C1GALT1: variants seen among roughly 807,000 people sequenced by gnomAD.
C1GALT1 encodes glycoprotein-N-acetylgalactosamine 3-beta-galactosyltransferase 1.
In C1GALT1, 11 loss-of-function variants were observed where a neutral mutation model predicts 31.0. The observed-to-expected ratio is 0.36, with a 90% CI of 0.22 to 0.59. The LOEUF (loss-of-function observed/expected upper bound fraction) is 0.59. Among genes scored for constraint, C1GALT1 ranks in the 20% least tolerant of loss-of-function variants. The pLI is 0.79. For missense variants in C1GALT1, 424 were observed against 425.2 expected (o/e 1.00, Z 0.03); for synonymous variants, 175 against 143.6 (o/e 1.22, Z -1.56).
At position 7,243,760 on chromosome 7, in the gene C1GALT1, C is replaced by T. The variant is rs762085810; in HGVS notation, c.*33C>T. 6.1e-6 allele frequency: 9 copies of T among 1,468,306 alleles called. 1 individual carries two copies. The South Asian group carries it at 1.0e-4, about 17-fold the overall frequency. The allele number at this position is 1,468,306 out of a possible 1,614,324, so 91.0% of individuals were successfully genotyped here. ...TCATGAATGAACAAAGGTAATATGT[C>T]TAGCACTGCACTGAAAAAGGACTTC... On this transcript the variant is annotated 3_prime_UTR_variant, in exon 4 of 4. Transcript: ENST00000436587.
chr7:7,237,691 G>GTACTTGTAGAAATTCTTAATAGTGGA (rs1783429849), intron 2 of C1GALT1, among the ~76,000 whole-genome samples: 1 of 152,106 alleles, frequency 6.6e-6, no homozygotes, highest in South Asian at 2.1e-4. Context: ...CCACCTCAGG[G>GTACTTGTAGAAATTCTTAATAGTGGA]TACTTGTAGA....
chr7:7,208,527 T>TTA (rs1562574683), intron 1 of C1GALT1, among the ~76,000 whole-genome samples: 1 of 151,998 alleles, frequency 6.6e-6, no homozygotes, highest in Non-Finnish European at 1.5e-5. Flanking sequence ...CAGTCCTTGA[T>TTA]GTTTGGCTCC....
At chr7:7,222,545 A>AT (rs1373015281) in intron 1 of C1GALT1, among the ~76,000 whole-genome samples, 2 of 151,878 alleles carry the variant, frequency 1.3e-5, no homozygotes, top group African/African-American at 4.8e-5. Flanking sequence ...TTATTTTTTC[A>AT]TTTTTTCTGT....
intron 1 of C1GALT1, among the ~76,000 whole-genome samples, chr7:7,222,727 G>T (rs746549910): frequency 6.6e-6 from 1 of 152,156 alleles, no homozygotes. Flanking sequence ...TAGTAATGGC[G>T]TTATAGTTTT....
chr7:7,190,100 G>T (rs1780994244), intron 1 of C1GALT1, among the ~76,000 whole-genome samples: 1 of 152,174 alleles, frequency 6.6e-6, no homozygotes, highest in African/African-American at 2.4e-5. Flanking sequence ...TTAGCTTGCT[G>T]CAGTGAAGGA....
At position 7,245,814 on chromosome 7, in the gene C1GALT1, G is replaced by T. The variant is rs536635959; in HGVS notation, c.*2087G>T. The T allele has an allele frequency of 1.3e-5, 2 of 152,192 alleles. No homozygotes were observed. The highest frequency in any genetic ancestry group is 4.8e-5 in the African/African-American group (2 of 41,440). The allele number at this position is 152,192 out of a possible 1,614,324, so 9.4% of individuals were successfully genotyped here. On this transcript the variant is annotated 3_prime_UTR_variant, in exon 4 of 4. Transcript: ENST00000436587. ...TGATGAATCCTGGGCTCTAGAGTCA[G>T]ACTTGCTTGGGTTTAAATTCTTGCT...
intron 3 of C1GALT1, among the ~76,000 whole-genome samples, chr7:7,242,374 T>A (rs917669572): frequency 6.6e-6 from 1 of 152,026 alleles, no homozygotes; most frequent in African/African-American, 2.4e-5. Flanking sequence ...TGTCTAAGAA[T>A]CTACATATCC....
chr7:7,233,310 C>G (rs1783176845), intron 1 of C1GALT1, among the ~76,000 whole-genome samples: 1 of 152,050 alleles, frequency 6.6e-6, no homozygotes, highest in Admixed American at 6.5e-5. Context: ...TTTGCCCAGG[C>G]TGGAGTTGAG....
intron 2 of C1GALT1, among the ~76,000 whole-genome samples, chr7:7,175,008 A>G (rs1780490690): frequency 6.6e-6 from 1 of 152,036 alleles, no homozygotes; most frequent in Non-Finnish European, 1.5e-5. Flanking sequence ...AATGAGCCAT[A>G]CTTTCTTGTT....
chr7:7,215,980 A>C (rs1268058118), intron 1 of C1GALT1, among the ~76,000 whole-genome samples: 1 of 151,862 alleles, frequency 6.6e-6, no homozygotes, highest in African/African-American at 2.4e-5. Context: ...CCTGAAAGTT[A>C]CTTTTTTTTT....
intron 1 of C1GALT1, among the ~76,000 whole-genome samples, chr7:7,227,449 G>A (rs925762069): frequency 1.1e-4 from 16 of 152,254 alleles, no homozygotes; most frequent in Admixed American, 1.3e-4. Context: ...GGCCGGGCGC[G>A]GTGGCTCACG....
At chr7:7,185,955 C>A (rs1237843756) in intron 1 of C1GALT1, among the ~76,000 whole-genome samples, 1 of 152,148 alleles carries the variant, frequency 6.6e-6, no homozygotes, top group Non-Finnish European at 1.5e-5. Flanking sequence ...TCTGTTGCCT[C>A]TAGCAGAATA....
chr7:7,196,334 A>G (rs1781286565), intron 1 of C1GALT1, among the ~76,000 whole-genome samples: 1 of 151,086 alleles, frequency 6.6e-6, no homozygotes, highest in African/African-American at 2.4e-5. Context: ...TGTCCTTGCG[A>G]TGGTTTGCTC....
upstream of C1GALT1, among the ~76,000 whole-genome samples, chr7:7,180,607 A>T (rs748535092): frequency 5.3e-5 from 8 of 152,284 alleles, no homozygotes; most frequent in Non-Finnish European, 1.2e-4. Flanking sequence ...GCCTAGAAGA[A>T]TGTAACACAA....
intron 1 of C1GALT1, among the ~76,000 whole-genome samples, chr7:7,227,817 T>C (rs530780340): frequency 6.6e-6 from 1 of 152,212 alleles, no homozygotes; most frequent in South Asian, 2.1e-4. Context: ...CTCAAGACTC[T>C]TCAGAGGAGA....
chr7:7,196,461 C>T (rs879411296), intron 1 of C1GALT1, among the ~76,000 whole-genome samples: 17 of 152,130 alleles, frequency 1.1e-4, no homozygotes, highest in Non-Finnish European at 2.2e-4. Flanking sequence ...TCCAGTCTAT[C>T]ATTGATGGAC....
At chr7:7,176,905 GT>G (rs1208025299) in intron 2 of C1GALT1, among the ~76,000 whole-genome samples, 4 of 152,184 alleles carry the variant, frequency 2.6e-5, no homozygotes, top group Admixed American at 2.6e-4. Flanking sequence ...AAAGCACAAT[GT>G]TGCCAGAAGG....
At chr7:7,181,232 A>G (rs138831685), upstream of C1GALT1, among the ~76,000 whole-genome samples, 2 of 149,036 alleles carry the variant, frequency 1.3e-5, no homozygotes, top group African/African-American at 5.0e-5. Context: ...AGGTGGAAGG[A>G]TATTGCGGAA....
intron 1 of C1GALT1, among the ~76,000 whole-genome samples, chr7:7,189,169 A>G (rs551373768): frequency 2.0e-5 from 3 of 152,262 alleles, no homozygotes; most frequent in African/African-American, 4.8e-5. Flanking sequence ...CTACTATTCT[A>G]TGCTATGGCT....
Sources: allele counts gnomAD v4.1 joint callset (sites outside exome capture counted in the v4.1 genomes callset), GRCh38; gene constraint gnomAD v4.1.1; transcripts MANE v1.5; gene names NCBI Gene and HGNC (gene_info 2026-07-23, HGNC 2026-07-21).